The following GPRC5A variants were observed in gnomAD, a reference collection of about 807,000 sequenced individuals.
GPRC5A encodes the protein retinoic acid-induced protein 3.
GPRC5A carries 19 observed loss-of-function variants against 22.5 expected under a neutral mutation model. That is an observed-to-expected ratio of 0.85 (90% CI 0.59 to 1.24). The LOEUF is 1.24. GPRC5A is among the 50% of genes most tolerant of loss of function. The pLI is 0.00. For synonymous variants in GPRC5A, 192 were observed against 184.5 expected (o/e 1.04, Z -0.33); for missense variants, 471 against 451.1 (o/e 1.04, Z -0.40).
In GPRC5A at chr12:12,908,618, C is replaced by A; in HGVS notation, c.369C>A (p.Val123=). 1.2e-6 allele frequency: 2 copies of A among 1,614,004 alleles called. No homozygotes were observed. Among genetic ancestry groups the A allele is most frequent in the Non-Finnish European group, 8.5e-7 (1 of 1,179,928 alleles). Residue 123 remains valine (V), a synonymous_variant, in exon 2 of 4, where the codon GTC becomes GTA. Transcript: ENST00000014914. ...LAHAVSLTKL[V]RGRKPLSLLV... ...ATGCTGTCAGTCTGACCAAGCTCGTCCGGGGGAGGAAGCCCCTTTCCCTGT... is the reference window on the plus strand; with the variant it reads ...ATGCTGTCAGTCTGACCAAGCTCGTACGGGGGAGGAAGCCCCTTTCCCTGT...
intron 1 of GPRC5A, among the ~76,000 whole-genome samples, chr12:12,901,851 G>A (rs923767673): frequency 6.6e-6 from 1 of 151,264 alleles, no homozygotes; most frequent in East Asian, 1.9e-4. Context: ...ATAGGAGCAA[G>A]TTCTTTGTTG....
chr12:12,900,959 A>G (rs1863881529), intron 1 of GPRC5A, among the ~76,000 whole-genome samples: 1 of 152,046 alleles, frequency 6.6e-6, no homozygotes, highest in Admixed American at 6.6e-5. Context: ...AACAAACAAA[A>G]GAACCAAAAA....
At chr12:12,895,821 C>A (rs867085953) in intron 1 of GPRC5A, among the ~76,000 whole-genome samples, 621 of 75,450 alleles carry the variant, frequency 8.2e-3, no homozygotes, top group South Asian at 1.0e-2. Context: ...ACTAAAAATA[C>A]AAAAAAAAAA....
At position 12,910,874 on chromosome 12, in the gene GPRC5A, T is replaced by C. The variant is rs377483380; in HGVS notation, c.923-1210T>C. Among the ~76,000 whole-genome samples, 840 of 139,704 alleles carry C rather than the reference T, an allele frequency of 6.0e-3. 6 individuals carry two copies. Among genetic ancestry groups the C allele is most frequent in the African/African-American group, 0.024 (795 of 33,232 alleles). 91.7% of individuals were successfully genotyped at this position (139,704 alleles called of 152,430 possible). A position where few individuals can be genotyped will look rare whatever the true frequency, so the allele number is the denominator to read the frequency against. On this transcript the variant is annotated intron_variant, in intron 2 of 3. Coordinates refer to ENST00000014914, the MANE Select transcript of GPRC5A (RefSeq NM_003979.4). ...TTTATGTGCTTCACCATCTCTCTCT[T>C]TTTTTTTTTTTTTTGAGACAGAGTC...
At position 12,908,470 on chromosome 12, in the gene GPRC5A, G is replaced by C. The variant is rs984121866; in HGVS notation, c.221G>C (p.Gly74Ala). The C allele has an allele frequency of 2.5e-6, 4 of 1,613,982 alleles. No homozygotes were observed. The highest frequency in any genetic ancestry group is 3.4e-6 in the Non-Finnish European group (4 of 1,179,990). Residue 74 changes from glycine to alanine, a missense_variant, in exon 2 of 4, where the codon GGT (glycine) becomes GCT (alanine). By Grantham distance (60) the Gly-to-Ala change is moderately conservative. Transcript: ENST00000014914. ...MLPTQFLFLL[G>A]VLGIFGLTFA... is the part of the protein sequence containing the mutation. ...CCTACTCAGTTTCTCTTCCTCCTGG[G>C]TGTGTTGGGCATCTTTGGCCTCACC...
At position 12,912,040 on chromosome 12, in the gene GPRC5A, G is replaced by A. The variant is rs187822306; in HGVS notation, c.923-44G>A. 3 of 1,389,104 alleles carry A rather than the reference G, an allele frequency of 2.2e-6. No homozygotes were observed. In the African/African-American group the frequency reaches 4.3e-5, roughly 20 times the overall value. The allele number at this position is 1,389,104 out of a possible 1,614,324, so 86.0% of individuals were successfully genotyped here. A position where few individuals can be genotyped will look rare whatever the true frequency, so the allele number is the denominator to read the frequency against. Reference sequence around the variant, plus strand: ...AAGTGATACAATGGGGTGAACATAGGTGGGGGCCCCAGTGGTTTAATTTCT... The same window carrying A: ...AAGTGATACAATGGGGTGAACATAGATGGGGGCCCCAGTGGTTTAATTTCT... On this transcript the variant is annotated intron_variant, in intron 2 of 3. Transcript: ENST00000014914.
rs1353595381 is a variant in GPRC5A, at chr12:12,914,753, T to G, written c.*2214T>G. ...GCCTCGGCCTTCTGAGTAGCTGGGA[T>G]TACAGGCGTGCGTGCGCCACCACGC... On this transcript the variant is annotated 3_prime_UTR_variant, in exon 4 of 4. Transcript: ENST00000014914. The G allele has an allele frequency of 7.6e-6, 1 of 131,976 alleles. No individual in the cohort carries two copies. The highest frequency in any genetic ancestry group is 3.2e-5 in the African/African-American group (1 of 31,074). 8.2% of individuals were successfully genotyped at this position (131,976 alleles called of 1,614,324 possible).
rs1375521659 is a variant in GPRC5A at position 12,915,853 on chromosome 12, A to C, written c.*3314A>C. The C allele has an allele frequency of 1.9e-6, 1 of 525,894 alleles. No homozygotes were observed. Among genetic ancestry groups the C allele is most frequent in the Non-Finnish European group, 3.9e-6 (1 of 254,952 alleles). The allele number at this position is 525,894 out of a possible 1,614,324, so 32.6% of individuals were successfully genotyped here. ...TTCTAAGAAACGCAGTGGTCTCTGA[A>C]GCCTGCAGGGGCAGGCCAGCCCTGC... is the stretch of plus-strand genomic sequence containing the variant. On this transcript the variant is annotated 3_prime_UTR_variant, in exon 4 of 4. Transcript: ENST00000014914.
intron 1 of GPRC5A, among the ~76,000 whole-genome samples, chr12:12,900,926 A>G (rs1863881010): frequency 7.2e-6 from 1 of 138,476 alleles, no homozygotes; most frequent in African/African-American, 2.6e-5. Flanking sequence ...AAAAAAAAAC[A>G]ACCCAGAAAA....
chr12:12,905,957 G>A (rs1387626860), intron 1 of GPRC5A, among the ~76,000 whole-genome samples: 1 of 152,182 alleles, frequency 6.6e-6, no homozygotes, highest in African/African-American at 2.4e-5. Flanking sequence ...TGGAACCAGA[G>A]TCATAATGAG....
rs780794515 is a variant in GPRC5A at position 12,912,457 on chromosome 12, C to A, written c.992C>A (p.Pro331His). The A allele has an allele frequency of 6.2e-7, 1 of 1,610,072 alleles. No individual in the cohort carries two copies. Among genetic ancestry groups the A allele is most frequent in the African/African-American group, 1.3e-5 (1 of 74,930 alleles). The change falls in exon 4 of 4, where the codon CCC (proline) becomes CAC (histidine). Residue 331 changes from proline (P) to histidine (H), a missense_variant. Pro to His is a moderately conservative substitution (Grantham distance 77). Coordinates refer to ENST00000014914, the MANE Select transcript of GPRC5A (RefSeq NM_003979.4). ...STHFQLQNQPPQKEFSIPRAH... is the reference protein window; with the variant it reads ...STHFQLQNQPHQKEFSIPRAH... ...CTGTTTCCTTTTCAGAACCAGCCTCCCCAAAAGGAATTCTCCATCCCACGG... is the reference window on the plus strand; with the variant it reads ...CTGTTTCCTTTTCAGAACCAGCCTCACCAAAAGGAATTCTCCATCCCACGG...
intron 1 of GPRC5A, among the ~76,000 whole-genome samples, chr12:12,903,446 A>G (rs546437065): frequency 2.0e-5 from 3 of 152,114 alleles, no homozygotes; most frequent in African/African-American, 7.2e-5. Context: ...GCACCTGGCT[A>G]ATTTTTACAT....
chr12:12,903,010 G>A (rs866992045), intron 1 of GPRC5A, among the ~76,000 whole-genome samples: 4 of 152,080 alleles, frequency 2.6e-5, no homozygotes, highest in South Asian at 2.1e-4. Flanking sequence ...GAGGTTGCCG[G>A]GCGCCGATAT....
chr12:12,914,045 A>G lies in GPRC5A; in HGVS notation c.*1506A>G, dbSNP rs1864033362. ...TTCACAAATGTCTCTTGGCAAAAACATGTGACACCTAACCATGATAATTGA... is the reference window on the plus strand; with the variant it reads ...TTCACAAATGTCTCTTGGCAAAAACGTGTGACACCTAACCATGATAATTGA... On this transcript the variant is annotated 3_prime_UTR_variant, in exon 4 of 4. Coordinates refer to ENST00000014914, the MANE Select transcript of GPRC5A (RefSeq NM_003979.4). 1 of 152,234 alleles carries G rather than the reference A, an allele frequency of 6.6e-6. No individual in the cohort carries two copies. Among genetic ancestry groups the G allele is most frequent in the Admixed American group, 6.5e-5 (1 of 15,286 alleles). The allele number at this position is 152,234 out of a possible 1,614,324, so 9.4% of individuals were successfully genotyped here.
intron 1 of GPRC5A, among the ~76,000 whole-genome samples, chr12:12,895,655 T>C (rs1863814543): frequency 6.6e-6 from 1 of 151,720 alleles, no homozygotes; most frequent in South Asian, 2.1e-4. Flanking sequence ...GATATTTAAA[T>C]GAAGGGATCT....
rs1008381238 is a variant in GPRC5A at position 12,906,704 on chromosome 12, A to G, written c.-7-1539A>G. 3.3e-5 allele frequency among the ~76,000 whole-genome samples: 5 copies of G among 152,190 alleles called. No individual in the cohort carries two copies. The South Asian group carries it at 6.2e-4, about 19-fold the overall frequency. ...ACAGGTAGCCAATTTAGAGCTGGTT[A>G]TGACAGACAAGACCCCTTTCATAAC... On this transcript the variant is annotated intron_variant, in intron 1 of 3. Coordinates refer to ENST00000014914, the MANE Select transcript of GPRC5A (RefSeq NM_003979.4).
Position 12,916,023 on chromosome 12 carries a change from T to C in GPRC5A, c.*3484T>C, listed in dbSNP as rs912183226. ...TAAATAAGCTATTTTTAAAAGTTAT[T>C]ATTTTTTTACTCTTTCTTTTCTTTG... On this transcript the variant is annotated 3_prime_UTR_variant, in exon 4 of 4. Coordinates refer to ENST00000014914, the MANE Select transcript of GPRC5A (RefSeq NM_003979.4). 1 of 272,500 alleles carries C rather than the reference T, an allele frequency of 3.7e-6. No homozygotes were observed. The highest frequency in any genetic ancestry group is 2.3e-5 in the African/African-American group (1 of 43,704). The allele number at this position is 272,500 out of a possible 1,614,324, so 16.9% of individuals were successfully genotyped here.
At chr12:12,907,525 T>C (rs978193407) in intron 1 of GPRC5A, among the ~76,000 whole-genome samples, 3 of 152,176 alleles carry the variant, frequency 2.0e-5, no homozygotes, top group South Asian at 2.1e-4. Context: ...TGCAACGTTA[T>C]GATTAAAGTG....
chr12:12,900,360 G>A (rs1863868466), intron 1 of GPRC5A, among the ~76,000 whole-genome samples: 3 of 152,208 alleles, frequency 2.0e-5, no homozygotes, highest in African/African-American at 7.2e-5. Context: ...CTGAACATGA[G>A]TTCAGACCAC....
Sources: allele counts gnomAD v4.1 joint callset (sites outside exome capture counted in the v4.1 genomes callset), GRCh38; gene constraint gnomAD v4.1.1; transcripts MANE v1.5; gene names NCBI Gene and HGNC (gene_info 2026-07-23, HGNC 2026-07-21).